Variants in DCLK2 observed in about 807,000 individuals in gnomAD.
The protein encoded by DCLK2 is doublecortin like kinase 2, also known as serine/threonine-protein kinase DCLK2.
DCLK2 carries 31 observed loss-of-function variants against 78.4 expected under a neutral mutation model. The ratio of observed to expected loss-of-function variants is 0.40; its 90% CI spans 0.30 to 0.53. The LOEUF (loss-of-function observed/expected upper bound fraction) is 0.53. Ranked by LOEUF, DCLK2 falls within the 20% of genes least tolerant of loss-of-function variation. The probability of loss-of-function intolerance (pLI) is 0.61; values close to 1 mark genes in which losing one functional copy is unlikely to be tolerated. For synonymous variants in DCLK2, 407 were observed against 374.9 expected (o/e 1.09, Z -0.99); for missense variants, 872 against 973.7 (o/e 0.90, Z 1.39).
intron 2 of DCLK2, among the ~76,000 whole-genome samples, chr4:150,138,871 A>G (rs772208211): frequency 3.7e-4 from 57 of 152,082 alleles, no homozygotes; most frequent in East Asian, 7.8e-4. Context: ...TCACCTTGTT[A>G]GCCAGGATGG....
chr4:150,174,675 TA>T (rs1736814748), intron 2 of DCLK2, among the ~76,000 whole-genome samples: 1 of 151,658 alleles, frequency 6.6e-6, no homozygotes, highest in Non-Finnish European at 1.5e-5. Flanking sequence ...AATCACAAAA[TA>T]ATGTTTTAAG....
intron 3 of DCLK2, among the ~76,000 whole-genome samples, 198 bp from the exon 4 acceptor site, chr4:150,197,801 GAAA>G (rs879231367): frequency 1.8e-5 from 2 of 113,212 alleles, no homozygotes. Flanking sequence ...TCTCAAGAGA[GAAA>G]AAAAAAAAAA....
chr4:150,172,765 G>C (rs1432124219), intron 2 of DCLK2, among the ~76,000 whole-genome samples: 29 of 134,732 alleles, frequency 2.2e-4, no homozygotes, highest in African/African-American at 2.5e-4. Flanking sequence ...TTTTTTGGGG[G>C]GGGGGGGGAT....
intron 14 of DCLK2, 109 bp downstream of exon 14, chr4:150,248,494 GGTAGATGTCTGTCTGTCCCATTGAGCAA>G: frequency 2.3e-6 from 2 of 876,906 alleles, no homozygotes; most frequent in South Asian, 3.0e-5. Flanking sequence ...CAAGCTCCAT[GGTAGATGTCTGTCTGTCCCATTGAGCAA>G]GTAGCATAAA....
chr4:150,237,580 T>C (rs1742602778), intron 10 of DCLK2, among the ~76,000 whole-genome samples: 1 of 152,224 alleles, frequency 6.6e-6, no homozygotes, highest in Non-Finnish European at 1.5e-5. Context: ...GGTATTTCAG[T>C]GCCGTCCTCT....
chr4:150,183,630 A>T (rs1737693098), intron 2 of DCLK2, among the ~76,000 whole-genome samples: 1 of 152,218 alleles, frequency 6.6e-6, no homozygotes, highest in African/African-American at 2.4e-5. Context: ...ACTCTGCATT[A>T]TAATGAGTTG....
intron 10 of DCLK2, among the ~76,000 whole-genome samples, chr4:150,233,187 A>T (rs914469358): frequency 6.6e-6 from 1 of 152,182 alleles, no homozygotes; most frequent in African/African-American, 2.4e-5. Flanking sequence ...CCTTCTTCAC[A>T]TGGTGGCAGG....
At chr4:150,241,290 C>G (rs904760450) in intron 12 of DCLK2, among the ~76,000 whole-genome samples, 8 of 152,178 alleles carry the variant, frequency 5.3e-5, no homozygotes, top group African/African-American at 1.9e-4. Flanking sequence ...GAGATGGCCA[C>G]TGACAATGGT....
At chr4:150,120,318 C>T (rs1205808409) in intron 2 of DCLK2, among the ~76,000 whole-genome samples, 1 of 152,128 alleles carries the variant, frequency 6.6e-6, no homozygotes, top group Non-Finnish European at 1.5e-5. Context: ...TTATATGTGA[C>T]CAGCTAGTTT....
chr4:150,204,825 G>A (rs948187227), intron 5 of DCLK2, among the ~76,000 whole-genome samples: 2 of 151,958 alleles, frequency 1.3e-5, no homozygotes, highest in Non-Finnish European at 2.9e-5. Flanking sequence ...CCAGGAGGCA[G>A]AGGTTGCAGT....
chr4:150,163,567 A>G (rs1426213442), intron 2 of DCLK2, among the ~76,000 whole-genome samples: 1 of 152,168 alleles, frequency 6.6e-6, no homozygotes, highest in Non-Finnish European at 1.5e-5. Context: ...AATCTCTCTG[A>G]GCCCATTTCC....
chr4:150,228,951 G>A (rs1198744494), intron 8 of DCLK2, among the ~76,000 whole-genome samples: 1 of 151,820 alleles, frequency 6.6e-6, no homozygotes, highest in East Asian at 1.9e-4. Context: ...GCGTGAACCC[G>A]GGAAGCGGAG....
intron 2 of DCLK2, among the ~76,000 whole-genome samples, chr4:150,142,885 T>C (rs1734210062): frequency 6.6e-6 from 1 of 151,902 alleles, no homozygotes; most frequent in African/African-American, 2.4e-5. Flanking sequence ...ATGGTGGGGA[T>C]TGGGCCTTTA....
In DCLK2 at chr4:150,256,301, G is replaced by A; in HGVS notation, c.*54G>A. 6.9e-7 allele frequency: 1 copy of A among 1,449,342 alleles called. No homozygotes were observed. The highest frequency in any genetic ancestry group is 9.0e-7 in the Non-Finnish European group (1 of 1,105,042). The allele number at this position is 1,449,342 out of a possible 1,614,324, so 89.8% of individuals were successfully genotyped here. A position where few individuals can be genotyped will look rare whatever the true frequency, so the allele number is the denominator to read the frequency against. On this transcript the variant is annotated 3_prime_UTR_variant, in exon 16 of 16. Transcript: ENST00000296550. ...CTGCAGCCCAGGAAGCCAGCCCTCT[G>A]CTCGGCCTCGCCGGCCTCCCTGCTG...
At chr4:150,247,002 C>A (rs1158321233) in intron 12 of DCLK2, among the ~76,000 whole-genome samples, 1 of 152,120 alleles carries the variant, frequency 6.6e-6, no homozygotes, top group East Asian at 1.9e-4. Flanking sequence ...AGATCCTGAA[C>A]TCCTTATGAC....
intron 12 of DCLK2, among the ~76,000 whole-genome samples, chr4:150,245,516 C>G (rs993417515): frequency 1.6e-4 from 25 of 152,310 alleles, no homozygotes; most frequent in Non-Finnish European, 3.2e-4. Flanking sequence ...TATCCCTCCC[C>G]CTTCCCCTAC....
intron 2 of DCLK2, among the ~76,000 whole-genome samples, chr4:150,103,432 T>G (rs1731022193): frequency 6.6e-6 from 1 of 152,176 alleles, no homozygotes; most frequent in East Asian, 1.9e-4. Flanking sequence ...AGTTGGCATA[T>G]TGCAAAAACA....
intron 11 of DCLK2, 39 bp from the exon 12 acceptor site, chr4:150,240,359 GC>G: frequency 6.3e-7 from 1 of 1,581,144 alleles, no homozygotes. Context: ...GGTCTTGGGA[GC>G]CATCAGTTCT....
chr4:150,102,601 C>G lies in DCLK2; in HGVS notation c.545C>G (p.Ser182Cys). The change falls in exon 2 of 16, where the codon TCT (serine) becomes TGT (cysteine). Residue 182 changes from serine to cysteine, a missense_variant. By Grantham distance (112) the Ser-to-Cys change is moderately radical. Coordinates refer to ENST00000296550, the MANE Select transcript of DCLK2 (RefSeq NM_001040260.4). ...TCCCGAGCGCTGGCTGCTGCCTCCT[C>G]TGTGAAAAGTGAAGTAAAAGAAAGT... ...GTSRALAAAS[S>C]VKSEVKESKD... 6.2e-7 allele frequency: 1 copy of G among 1,614,146 alleles called. No homozygotes were observed. The highest frequency in any genetic ancestry group is 8.5e-7 in the Non-Finnish European group (1 of 1,180,024).
Sources: gnomAD v4.1 joint callset for allele counts (sites outside exome capture counted in the v4.1 genomes callset) on GRCh38, gnomAD v4.1.1 for gene constraint, MANE v1.5 for transcripts, NCBI Gene and HGNC (gene_info 2026-07-23, HGNC 2026-07-21) for gene names.